The following STK32C variants were observed in gnomAD, a reference collection of about 807,000 sequenced individuals.
STK32C encodes the protein serine/threonine-protein kinase 32C.
A neutral mutation model predicts 56.5 loss-of-function variants in STK32C; 31 were observed. The observed-to-expected ratio is 0.55, with a 90% CI of 0.41 to 0.74. The LOEUF (loss-of-function observed/expected upper bound fraction) is 0.74, where lower values mean the gene tolerates loss of function less well. Among genes scored for constraint, STK32C ranks in the 30% least tolerant of loss-of-function variants. The pLI is 0.00. For missense variants in STK32C, 544 were observed against 676.9 expected (o/e 0.80, Z 2.18); for synonymous variants, 309 against 289.4 (o/e 1.07, Z -0.69).
chr10:132,228,150 G>A (rs201818556), intron 2 of STK32C, 22 bp from the exon 3 acceptor site: 31 of 1,613,672 alleles, frequency 1.9e-5, no homozygotes, highest in Middle Eastern at 3.3e-4. Context: ...AGGGCTGTTC[G>A]GCAGGACGCC....
intron 1 of STK32C, among the ~76,000 whole-genome samples, chr10:132,271,137 G>A (rs994033093): frequency 3.3e-5 from 5 of 152,154 alleles, no homozygotes; most frequent in African/African-American, 1.2e-4. Context: ...GGGGTGAGGA[G>A]TGTCCTAACC....
rs2062903304 is a variant in STK32C at position 132,226,672 on chromosome 10, G to A, written c.644+123C>T. 13 of 1,183,790 alleles carry A rather than the reference G, an allele frequency of 1.1e-5. No homozygotes were observed. The South Asian group carries it at 1.9e-4, about 17-fold the overall frequency. 73.3% of individuals were successfully genotyped at this position (1,183,790 alleles called of 1,614,324 possible). A position where few individuals can be genotyped will look rare whatever the true frequency, so the allele number is the denominator to read the frequency against. On this transcript the variant is annotated intron_variant, in intron 4 of 11. Coordinates refer to ENST00000298630, the MANE Select transcript of STK32C (RefSeq NM_173575.4). The stretch of plus-strand genomic sequence containing the variant: ...CAGCTGGGGGCAGGCACTCAGGCAA[G>A]GGTGGGGCAGAGGAGCTAGACCCGC...
intron 10 of STK32C, among the ~76,000 whole-genome samples, chr10:132,210,491 G>A (rs766095760): frequency 5.3e-5 from 8 of 152,170 alleles, no homozygotes; most frequent in Admixed American, 2.0e-4. Context: ...CAGGTGCTCC[G>A]CCTGCTTCGG....
Position 132,276,618 on chromosome 10 carries a change from GA to G in STK32C, c.263-30664del, listed in dbSNP as rs35343457. Among the ~76,000 whole-genome samples the G allele has an allele frequency of 7.6e-3, 1,128 of 148,324 alleles. 11 individuals carry two copies. Among genetic ancestry groups the G allele is most frequent in the African/African-American group, 0.023 (944 of 40,358 alleles). On this transcript the variant is annotated intron_variant, in intron 1 of 11. Transcript: ENST00000298630. ...ATAACACAGCAAGACCCCCATCTCT[GA>G]AAAAAAAAAAGTTTTTAATTAGCTG...
intron 2 of STK32C, among the ~76,000 whole-genome samples, chr10:132,242,222 C>A (rs549096361): frequency 1.3e-5 from 2 of 152,032 alleles, no homozygotes; most frequent in African/African-American, 4.8e-5. Context: ...TGTATGGGGG[C>A]CAGGGGCTGG....
At chr10:132,241,390 G>C (rs1265506286) in intron 2 of STK32C, among the ~76,000 whole-genome samples, 1 of 152,232 alleles carries the variant, frequency 6.6e-6, no homozygotes, top group Admixed American at 6.5e-5. Context: ...AGTCACGGCA[G>C]CAAAAAGTTC....
At chr10:132,250,859 C>T (rs948879765) in intron 1 of STK32C, among the ~76,000 whole-genome samples, 3 of 152,228 alleles carry the variant, frequency 2.0e-5, no homozygotes, top group Non-Finnish European at 2.9e-5. Context: ...AAGAGGCCAA[C>T]GCTGCACTCA....
chr10:132,309,243 G>C (rs561082342), upstream of STK32C, among the ~76,000 whole-genome samples: 11 of 152,276 alleles, frequency 7.2e-5, 1 homozygote, highest in South Asian at 2.3e-3. Context: ...ATGTGAGCAC[G>C]GGAAGTCTGT....
rs2064070801 is a variant in STK32C, at chr10:132,255,197, C to T, written c.263-9242G>A. On this transcript the variant is annotated intron_variant, in intron 1 of 11. Coordinates refer to ENST00000298630, the MANE Select transcript of STK32C (RefSeq NM_173575.4). The surrounding 1 kb of genome is among the most constrained non-coding windows in gnomAD (Gnocchi z 4.6). ...GTGCTTATGATGAGGAAAATCATCC[C>T]CCAGGACTCCGAGACGCAGGCCCCG... Among the ~76,000 whole-genome samples the T allele has an allele frequency of 6.6e-6, 1 of 152,206 alleles. No individual in the cohort carries two copies. The highest frequency in any genetic ancestry group is 1.5e-5 in the Non-Finnish European group (1 of 68,036).
Position 132,209,103 on chromosome 10 carries a change from T to C in STK32C, c.1252-2A>G. 1.9e-6 allele frequency: 3 copies of C among 1,610,838 alleles called. No homozygotes were observed. The highest frequency in any genetic ancestry group is 2.5e-6 in the Non-Finnish European group (3 of 1,177,980). On this transcript the variant is annotated splice_acceptor_variant, in intron 10 of 11. Transcript: ENST00000298630. LOFTEE classifies it high-confidence loss of function. ...GCAGTCTTGAAGATAGTCATTCTCC[T>C]GTGGATGGAAAGGCACACGTGAGCG...
At chr10:132,265,528 C>T (rs1307392132) in intron 1 of STK32C, among the ~76,000 whole-genome samples, 1 of 152,148 alleles carries the variant, frequency 6.6e-6, no homozygotes, top group East Asian at 1.9e-4. Context: ...GGACACGGTG[C>T]AGAGAGACGG....
intron 10 of STK32C, among the ~76,000 whole-genome samples, chr10:132,212,473 A>C (rs2062339426): frequency 6.6e-6 from 1 of 152,236 alleles, no homozygotes; most frequent in Non-Finnish European, 1.5e-5. Flanking sequence ...AAGACTTAGA[A>C]GAAAGTGTGG....
chr10:132,217,668 G>A (rs2062513937), intron 10 of STK32C, among the ~76,000 whole-genome samples: 3 of 152,106 alleles, frequency 2.0e-5, no homozygotes, highest in Admixed American at 2.0e-4. Flanking sequence ...AATTATGGGG[G>A]CGGGTCTTTC....
chr10:132,313,401 G>C (rs1417930336), intron 1 of STK32C, among the ~76,000 whole-genome samples: 5 of 152,222 alleles, frequency 3.3e-5, no homozygotes, highest in Non-Finnish European at 4.4e-5. Context: ...CCACACGACA[G>C]ACATTTGCCA....
At chr10:132,218,934 A>G (rs1454817963) in intron 10 of STK32C, among the ~76,000 whole-genome samples, 4 of 152,232 alleles carry the variant, frequency 2.6e-5, no homozygotes, top group Non-Finnish European at 5.9e-5. Context: ...TGCGAAGTGA[A>G]AGAAGCCAGC....
upstream of STK32C, among the ~76,000 whole-genome samples, chr10:132,311,595 G>A (rs552448334): frequency 1.3e-5 from 2 of 152,350 alleles, no homozygotes; most frequent in Admixed American, 1.3e-4. The surrounding 1 kb of genome is among the most constrained non-coding windows in gnomAD (Gnocchi z 4.4). Flanking sequence ...TGCAGGACGG[G>A]CTGCAGCCAC....
At chr10:132,213,221 C>A (rs1022562128) in intron 10 of STK32C, among the ~76,000 whole-genome samples, 1 of 152,206 alleles carries the variant, frequency 6.6e-6, no homozygotes, top group Non-Finnish European at 1.5e-5. Flanking sequence ...CAGCCTGTAC[C>A]CCGCTTTAGC....
intron 10 of STK32C, among the ~76,000 whole-genome samples, chr10:132,209,762 G>A (rs892126193): frequency 2.0e-5 from 3 of 152,180 alleles, no homozygotes; most frequent in African/African-American, 7.2e-5. Context: ...GAACTTGGAT[G>A]GTGACGTTGG....
At chr10:132,264,056 T>C (rs532178742) in intron 1 of STK32C, among the ~76,000 whole-genome samples, 3 of 152,002 alleles carry the variant, frequency 2.0e-5, no homozygotes, top group East Asian at 3.9e-4. Flanking sequence ...CAGAAGGCAG[T>C]GTGGTGGCTG....
Sources: gnomAD v4.1 joint callset for allele counts (sites outside exome capture counted in the v4.1 genomes callset) on GRCh38, gnomAD v4.1.1 for gene constraint, Gnocchi (gnomAD v3.1) non-coding constraint, MANE v1.5 for transcripts, NCBI Gene and HGNC (gene_info 2026-07-23, HGNC 2026-07-21) for gene names.